Variants in SETD7 observed in about 807,000 individuals in gnomAD.
SETD7 encodes histone-lysine N-methyltransferase SETD7.
Under a neutral mutation model 41.8 loss-of-function variants are expected in SETD7, and 16 were observed. The observed-to-expected ratio is 0.38, with a 90% CI of 0.26 to 0.58. The LOEUF is 0.58. SETD7 is among the 20% of genes least tolerant of loss of function. SETD7 has a pLI of 0.64. For missense variants in SETD7, 346 were observed against 459.7 expected, an observed-to-expected ratio of 0.75 and a Z score of 2.26; for synonymous variants, 163 against 169.7, an observed-to-expected ratio of 0.96 and a Z score of 0.31.
chr4:139,511,999 C>T (rs1367848921), intron 7 of SETD7, among the ~76,000 whole-genome samples, 156 bp from the exon 8 acceptor site: 2 of 152,150 alleles, frequency 1.3e-5, no homozygotes, highest in African/African-American at 2.4e-5. Flanking sequence ...CAGTTTCACC[C>T]GAGAGCTTAT....
At chr4:139,523,575 C>T in intron 4 of SETD7, 140 bp from the exon 5 acceptor site, 1 of 552,438 alleles carries the variant, frequency 1.8e-6, no homozygotes, top group Non-Finnish European at 3.2e-6. Flanking sequence ...TGAAGTTCTT[C>T]AATTTAAATG....
chr4:139,501,614 A>T (rs1384326054), downstream of SETD7, among the ~76,000 whole-genome samples: 1 of 151,488 alleles, frequency 6.6e-6, no homozygotes, highest in Non-Finnish European at 1.5e-5. Context: ...CTCAAAAAAA[A>T]ACCCCAAATA....
At chr4:139,553,709 A>G (rs141101740) in intron 1 of SETD7, among the ~76,000 whole-genome samples, 3 of 152,362 alleles carry the variant, frequency 2.0e-5, no homozygotes, top group African/African-American at 7.2e-5. Flanking sequence ...CAGAGCCTGC[A>G]CTTAATAAGA....
chr4:139,503,259 G>A (rs1296976024), downstream of SETD7, among the ~76,000 whole-genome samples: 1 of 151,304 alleles, frequency 6.6e-6, no homozygotes, highest in Admixed American at 6.6e-5. Context: ...AAAGAGATCA[G>A]TTGATTGGTA....
In SETD7 at chr4:139,538,200, A is replaced by T. The variant is rs552421066; in HGVS notation, c.171-4834T>A. ...TGATCCAATTGACTGGAAGAAAATA[A>T]ATACCTCTAAAAAAAAGCAATATGT... On this transcript the variant is annotated intron_variant, in intron 2 of 7. Coordinates refer to ENST00000274031, the MANE Select transcript of SETD7 (RefSeq NM_030648.4). 1.4e-3 allele frequency among the ~76,000 whole-genome samples: 216 copies of T among 152,364 alleles called. 1 individual carries two copies. The highest frequency in any genetic ancestry group is 2.7e-3 in the Non-Finnish European group (187 of 68,036).
At chr4:139,525,738 G>C (rs2592979) in intron 4 of SETD7, among the ~76,000 whole-genome samples, 149,102 of 152,276 alleles carry the variant, frequency 0.98, 73,074 homozygotes, top group Middle Eastern at 1. Flanking sequence ...ACCATTGGAC[G>C]CTACAGTCAC....
At chr4:139,513,106 G>T (rs1726926028) in intron 7 of SETD7, among the ~76,000 whole-genome samples, 1 of 151,910 alleles carries the variant, frequency 6.6e-6, no homozygotes, top group African/African-American at 2.4e-5. Flanking sequence ...AAAGGAGAAG[G>T]TTCCAGGCCC....
At chr4:139,505,357 G>T (rs566278054), downstream of SETD7, among the ~76,000 whole-genome samples, 5 of 152,180 alleles carry the variant, frequency 3.3e-5, no homozygotes, top group Non-Finnish European at 7.3e-5. Flanking sequence ...GGGAGGCCAA[G>T]GCAGGCAGAT....
chr4:139,508,416 G>C lies in SETD7; in HGVS notation c.*3247C>G, dbSNP rs1235602041. On this transcript the variant is annotated 3_prime_UTR_variant, in exon 8 of 8. Coordinates refer to ENST00000274031, the MANE Select transcript of SETD7 (RefSeq NM_030648.4). ...CTTTTTGATCCCATCATTCCTTTGT[G>C]TCGGAAATTCAGTCTTTCCAGTTGT... 6.6e-6 allele frequency: 1 copy of C among 152,192 alleles called. No homozygotes were observed. The highest frequency in any genetic ancestry group is 1.5e-5 in the Non-Finnish European group (1 of 68,042). The allele number at this position is 152,192 out of a possible 1,614,324, so 9.4% of individuals were successfully genotyped here.
chr4:139,517,055 A>G (rs187612537), intron 7 of SETD7, among the ~76,000 whole-genome samples: 3 of 152,360 alleles, frequency 2.0e-5, no homozygotes, highest in East Asian at 3.9e-4. Context: ...ATGTTGTAGA[A>G]TATGTCAGTA....
At chr4:139,538,951 A>G (rs377525926) in intron 2 of SETD7, among the ~76,000 whole-genome samples, 2 of 152,304 alleles carry the variant, frequency 1.3e-5, no homozygotes, top group East Asian at 3.9e-4. Context: ...AAATTTCGAG[A>G]AATCAGTTAA....
At chr4:139,505,058 C>A (rs749508681), downstream of SETD7, among the ~76,000 whole-genome samples, 1 of 152,112 alleles carries the variant, frequency 6.6e-6, no homozygotes, top group Non-Finnish European at 1.5e-5. Flanking sequence ...AGTCATCTCA[C>A]TCGTTTCTGT....
chr4:139,542,554 C>G (rs2646040), intron 2 of SETD7, among the ~76,000 whole-genome samples: 82,849 of 151,694 alleles, frequency 0.55, 23,851 homozygotes, highest in African/African-American at 0.75. Flanking sequence ...TTTAAAAATG[C>G]CTATTTCTAT....
chr4:139,537,095 C>A (rs1411577671), intron 2 of SETD7, among the ~76,000 whole-genome samples: 1 of 152,204 alleles, frequency 6.6e-6, no homozygotes, highest in Non-Finnish European at 1.5e-5. Flanking sequence ...CCTGCCTCAG[C>A]CTCCCAAATA....
At chr4:139,516,066 A>G (rs1466748722) in intron 7 of SETD7, among the ~76,000 whole-genome samples, 2 of 152,206 alleles carry the variant, frequency 1.3e-5, no homozygotes, top group Admixed American at 6.5e-5. Context: ...AAGTGTTTGT[A>G]GGGCTACCAT....
chr4:139,509,724 C>T lies in SETD7; in HGVS notation c.*1939G>A, dbSNP rs1726816924. The T allele has an allele frequency of 1.0e-6, 1 of 985,378 alleles. No homozygotes were observed. The highest frequency in any genetic ancestry group is 1.2e-6 in the Non-Finnish European group (1 of 830,022). The allele number at this position is 985,378 out of a possible 1,614,324, so 61.0% of individuals were successfully genotyped here. On this transcript the variant is annotated 3_prime_UTR_variant, in exon 8 of 8. Coordinates refer to ENST00000274031, the MANE Select transcript of SETD7 (RefSeq NM_030648.4). ...AGAATGCAAGTCCAGAGGCCCTGGC[C>T]CATCCGTCACAGTGTATAGAACGGT...
chr4:139,528,944 G>A, intron 4 of SETD7, 87 bp downstream of exon 4: 1 of 1,143,888 alleles, frequency 8.7e-7, no homozygotes, highest in Non-Finnish European at 1.3e-6. Context: ...ACTATACAGA[G>A]AGGAAAAGAA....
At position 139,529,200 on chromosome 4, in the gene SETD7, T is replaced by G; in HGVS notation, c.393A>C (p.Gly131=). Residue 131 remains glycine (G), a synonymous_variant, in exon 4 of 8, where the codon GGA becomes GGC. Coordinates refer to ENST00000274031, the MANE Select transcript of SETD7 (RefSeq NM_030648.4). ...TCATCTCCCCATCTTCATTTACTTCTCCTACAAGGCTTCCTCCATCCTGAT... is the reference window on the plus strand; with the variant it reads ...TCATCTCCCCATCTTCATTTACTTCGCCTACAAGGCTTCCTCCATCCTGAT... The part of the protein sequence containing the change: ...IYYPDGGSLV[G]EVNEDGEMTG... 3.1e-6 allele frequency: 5 copies of G among 1,613,348 alleles called. No individual in the cohort carries two copies. The highest frequency in any genetic ancestry group is 4.2e-6 in the Non-Finnish European group (5 of 1,179,814).
chr4:139,544,440 G>A (rs1727876872), intron 2 of SETD7, among the ~76,000 whole-genome samples: 1 of 152,110 alleles, frequency 6.6e-6, no homozygotes, highest in African/African-American at 2.4e-5. Flanking sequence ...TGGTGCTTCA[G>A]CTTGTTCATA....
Sources: gnomAD v4.1 joint callset for allele counts (sites outside exome capture counted in the v4.1 genomes callset) on GRCh38, gnomAD v4.1.1 for gene constraint, MANE v1.5 for transcripts, NCBI Gene and HGNC (gene_info 2026-07-23, HGNC 2026-07-21) for gene names.